Variants in ASIC2 observed in about 807,000 individuals in gnomAD.
The protein encoded by ASIC2 is acid-sensing ion channel 2.
ASIC2 carries 25 observed loss-of-function variants against 57.3 expected under a neutral mutation model. The ratio of observed to expected loss-of-function variants is 0.44; its 90% CI spans 0.32 to 0.61. The LOEUF (loss-of-function observed/expected upper bound fraction) is 0.61, where lower values mean the gene tolerates loss of function less well. ASIC2 is among the 20% of genes least tolerant of loss of function. ASIC2 has a pLI of 0.06. For missense variants in ASIC2, 641 were observed against 738.1 expected, an observed-to-expected ratio of 0.87 and a Z score of 1.52; for synonymous variants, 319 against 307.5, an observed-to-expected ratio of 1.04 and a Z score of -0.39.
intron 1 of ASIC2, among the ~76,000 whole-genome samples, chr17:33,255,570 T>G (rs1346132358): frequency 7.4e-6 from 1 of 134,556 alleles, no homozygotes; most frequent in Admixed American, 7.6e-5. Context: ...GTAACACTGG[T>G]TACATCAAGA....
At chr17:33,195,538 T>C (rs1906589092) in intron 1 of ASIC2, among the ~76,000 whole-genome samples, 1 of 152,234 alleles carries the variant, frequency 6.6e-6, no homozygotes, top group Admixed American at 6.5e-5. Context: ...TATTTTTTGA[T>C]CATGTATAGT....
At chr17:33,896,274 G>A (rs1915093512) in intron 1 of ASIC2, among the ~76,000 whole-genome samples, 2 of 152,218 alleles carry the variant, frequency 1.3e-5, no homozygotes, top group Non-Finnish European at 2.9e-5. Context: ...CTTCCCCAAG[G>A]ATGGCATCTT....
At chr17:33,409,692 G>A (rs902841493) in intron 1 of ASIC2, among the ~76,000 whole-genome samples, 9 of 152,324 alleles carry the variant, frequency 5.9e-5, no homozygotes, top group African/African-American at 2.2e-4. Context: ...GAGTCTTGCG[G>A]AGGAGGAGGC....
chr17:33,534,800 T>C (rs1317868116), intron 1 of ASIC2, among the ~76,000 whole-genome samples: 3 of 152,220 alleles, frequency 2.0e-5, no homozygotes, highest in Non-Finnish European at 4.4e-5. Flanking sequence ...TTCAAAGTGC[T>C]CTTACTATTT....
chr17:33,871,851 G>A (rs912454034), intron 1 of ASIC2, among the ~76,000 whole-genome samples: 7 of 152,156 alleles, frequency 4.6e-5, no homozygotes, highest in African/African-American at 1.7e-4. Flanking sequence ...TGGCAAAGGG[G>A]GTAATTAGTC....
chr17:33,467,708 C>T (rs1451334256), intron 1 of ASIC2, among the ~76,000 whole-genome samples: 1 of 152,198 alleles, frequency 6.6e-6, no homozygotes, highest in East Asian at 1.9e-4. Context: ...ACTTAATTAT[C>T]TCAATCAATT....
chr17:33,028,306 A>G lies in ASIC2; in HGVS notation c.1074T>C (p.Cys358=). The change falls in exon 4 of 10, where the codon TGT becomes TGC. Residue 358 remains cysteine, a synonymous_variant. Transcript: ENST00000225823. The part of the protein sequence containing the change: ...DFFPVYSITA[C]RIDCETRYIV... ...TGTAGCGGGTCTCACAGTCAATCCTACAGGCGGTGATGCTGTAAACAGGAA... is the reference window on the plus strand; with the variant it reads ...TGTAGCGGGTCTCACAGTCAATCCTGCAGGCGGTGATGCTGTAAACAGGAA... 1 of 1,614,180 alleles carries G rather than the reference A, an allele frequency of 6.2e-7. No homozygotes were observed. Among genetic ancestry groups the G allele is most frequent in the Non-Finnish European group, 8.5e-7 (1 of 1,180,036 alleles).
intron 1 of ASIC2, among the ~76,000 whole-genome samples, chr17:33,813,477 C>T (rs1014777759): frequency 5.9e-5 from 9 of 152,170 alleles, no homozygotes; most frequent in African/African-American, 1.9e-4. Context: ...CACTCTGTCG[C>T]CCAGGCTGGA....
chr17:33,033,970 C>T (rs1423576251), intron 3 of ASIC2, among the ~76,000 whole-genome samples: 2 of 152,104 alleles, frequency 1.3e-5, no homozygotes, highest in Non-Finnish European at 2.9e-5. Context: ...ACTCTCTCTG[C>T]TGATAGCGGA....
At chr17:33,645,253 C>T (rs2142036043) in intron 1 of ASIC2, among the ~76,000 whole-genome samples, 1 of 152,254 alleles carries the variant, frequency 6.6e-6, no homozygotes, top group East Asian at 1.9e-4. Flanking sequence ...GCTCCTAATT[C>T]AGTGCTCCTT....
At chr17:33,886,614 A>C (rs973205130) in intron 1 of ASIC2, among the ~76,000 whole-genome samples, 1 of 152,186 alleles carries the variant, frequency 6.6e-6, no homozygotes, top group Non-Finnish European at 1.5e-5. Context: ...TAGTAAGATA[A>C]CATAGAAAAA....
At chr17:34,121,426 C>T (rs1318873661) in intron 1 of ASIC2, among the ~76,000 whole-genome samples, 1 of 152,158 alleles carries the variant, frequency 6.6e-6, no homozygotes, top group Admixed American at 6.5e-5. Flanking sequence ...TCCCTCGTCT[C>T]TCCCATCTGC....
intron 1 of ASIC2, among the ~76,000 whole-genome samples, chr17:33,865,385 T>C (rs1173148003): frequency 1.3e-5 from 2 of 152,178 alleles, no homozygotes; most frequent in Non-Finnish European, 2.9e-5. Flanking sequence ...TATAAAGTAA[T>C]AGATGTTGTT....
intron 1 of ASIC2, among the ~76,000 whole-genome samples, chr17:33,742,130 T>C (rs1402347591): frequency 6.6e-6 from 1 of 152,196 alleles, no homozygotes; most frequent in Non-Finnish European, 1.5e-5. Context: ...GGCCAGGTTG[T>C]TCCAGTTGTT....
intron 1 of ASIC2, among the ~76,000 whole-genome samples, chr17:33,401,223 G>A (rs960649568): frequency 1.4e-4 from 21 of 152,328 alleles, no homozygotes; most frequent in African/African-American, 5.1e-4. Flanking sequence ...GGCTAAAAAA[G>A]CATAATCTTC....
intron 1 of ASIC2, among the ~76,000 whole-genome samples, chr17:33,300,159 A>G (rs1905893640): frequency 6.6e-6 from 1 of 152,208 alleles, no homozygotes; most frequent in African/African-American, 2.4e-5. Context: ...GGAGGCTCCC[A>G]AAGCCATCAA....
At chr17:33,300,209 A>G (rs189824714) in intron 1 of ASIC2, among the ~76,000 whole-genome samples, 52 of 152,344 alleles carry the variant, frequency 3.4e-4, no homozygotes, top group Admixed American at 1.5e-3. Flanking sequence ...ATGAATATAC[A>G]TAAGTGTACA....
At chr17:34,083,135 T>G (rs557378629) in intron 1 of ASIC2, among the ~76,000 whole-genome samples, 85 of 151,060 alleles carry the variant, frequency 5.6e-4, no homozygotes, top group Non-Finnish European at 1.0e-3. Context: ...ACTCGTCATC[T>G]AGCATTAGGT....
At chr17:33,248,247 T>C (rs1199467128) in intron 1 of ASIC2, among the ~76,000 whole-genome samples, 1 of 152,170 alleles carries the variant, frequency 6.6e-6, no homozygotes, top group Non-Finnish European at 1.5e-5. Context: ...GAGGTAGGTG[T>C]ACGCCTGGCC....
Sources: gnomAD v4.1 joint callset for allele counts (sites outside exome capture counted in the v4.1 genomes callset) on GRCh38, gnomAD v4.1.1 for gene constraint, MANE v1.5 for transcripts, NCBI Gene and HGNC (gene_info 2026-07-23, HGNC 2026-07-21) for gene names.